KLK2: variants seen among roughly 807,000 people sequenced by gnomAD.
The protein encoded by KLK2 is kallikrein related peptidase 2, also known as kallikrein-2.
In KLK2, 17 loss-of-function variants were observed where a neutral mutation model predicts 23.0. The observed-to-expected ratio is 0.74, with a 90% CI of 0.51 to 1.11. The LOEUF is 1.11. Ranked by LOEUF, KLK2 falls within the 50% of genes least tolerant of loss-of-function variation. KLK2 has a pLI of 0.00. For missense variants in KLK2, 330 were observed against 325.9 expected (o/e 1.01, Z -0.10); for synonymous variants, 140 against 124.7 (o/e 1.12, Z -0.82).
chr19:50,876,531 G>C lies in KLK2; in HGVS notation c.266G>C (p.Arg89Thr). 1 of 1,614,152 alleles carries C rather than the reference G, an allele frequency of 6.2e-7. No individual in the cohort carries two copies. The highest frequency in any genetic ancestry group is 8.5e-7 in the Non-Finnish European group (1 of 1,180,026). The change falls in exon 3 of 5, where the codon AGG (arginine) becomes ACG (threonine). Residue 89 changes from arginine to threonine, a missense_variant. Physicochemically the swap from Arg to Thr is moderately conservative, Grantham distance 71. Coordinates refer to ENST00000325321, the MANE Select transcript of KLK2 (RefSeq NM_005551.5). ...TTTGAGCCTGAAGACACAGGCCAGAGGGTCCCTGTCAGCCACAGCTTCCCA... is the reference window on the plus strand; with the variant it reads ...TTTGAGCCTGAAGACACAGGCCAGACGGTCCCTGTCAGCCACAGCTTCCCA... ...NLFEPEDTGQ[R>T]VPVSHSFPHP...
At position 50,876,453 on chromosome 19, in the gene KLK2, C is replaced by G; in HGVS notation, c.207-19C>G. On this transcript the variant is annotated intron_variant, in intron 2 of 4. Transcript: ENST00000325321. ...CCCCATTTTCTCTCTCCTCATGCAT[C>G]CACCCCCTTCCTCCCCAGGAATAGC... The G allele has an allele frequency of 6.2e-7, 1 of 1,612,720 alleles. No individual in the cohort carries two copies. Among genetic ancestry groups the G allele is most frequent in the Middle Eastern group, 1.7e-4 (1 of 6,060 alleles).
chr19:50,873,608 CT>C, intron 1 of KLK2, 89 bp downstream of exon 1: 1 of 914,436 alleles, frequency 1.1e-6, no homozygotes, highest in Non-Finnish European at 1.7e-6. Context: ...AGCCTCGTCC[CT>C]TCAGCCCACA....
Position 50,878,429 on chromosome 19 carries a change from G to T in KLK2, c.656G>T (p.Cys219Phe). 6.2e-7 allele frequency: 1 copy of T among 1,613,886 alleles called. No individual in the cohort carries two copies. The highest frequency in any genetic ancestry group is 8.5e-7 in the Non-Finnish European group (1 of 1,179,834). The change falls in exon 5 of 5, where the codon TGT (cysteine) becomes TTT (phenylalanine). Residue 219 changes from cysteine (C) to phenylalanine (F), a missense_variant. Transcript: ENST00000325321. ...CGGDSGGPLV[C>F]NGVLQGITSW... The stretch of plus-strand genomic sequence containing the variant: ...GGTGATTCTGGGGGTCCACTTGTCT[G>T]TAATGGTGTGCTTCAAGGTATCACA...
chr19:50,875,400 C>A (rs993765454), intron 2 of KLK2, among the ~76,000 whole-genome samples: 5 of 152,188 alleles, frequency 3.3e-5, no homozygotes, highest in Non-Finnish European at 5.9e-5. Flanking sequence ...GCACAGCACT[C>A]TCTGCAGGAC....
chr19:50,874,323 C>T (rs1260894706), intron 1 of KLK2: 3 of 167,194 alleles, frequency 1.8e-5, no homozygotes, highest in African/African-American at 7.1e-5. Flanking sequence ...CTAAACCTCT[C>T]CACTGGGCAC....
chr19:50,876,136 CCCTT>C (rs755913463), intron 2 of KLK2: 120 of 323,626 alleles, frequency 3.7e-4, no homozygotes, highest in Admixed American at 9.8e-4. Flanking sequence ...TGTTCTTTCT[CCCTT>C]CCTCTTCCCC....
At chr19:50,877,527 G>A (rs767943527) in intron 4 of KLK2, 24 of 169,790 alleles carry the variant, frequency 1.4e-4, no homozygotes, top group Non-Finnish European at 2.4e-4. Context: ...AGCAGAGGGA[G>A]CAGCACCTGC....
chr19:50,879,315 CAG>C lies in KLK2; in HGVS notation c.*759_*760del, dbSNP rs1424639243. ...TGTATAGATTAGAGTGTGGAGAAAA[CAG>C]AGGAAAACTTGCAGTTACGAAGACT... is the stretch of plus-strand genomic sequence containing the variant. On this transcript the variant is annotated 3_prime_UTR_variant, in exon 5 of 5. Transcript: ENST00000325321. The C allele has an allele frequency of 1.7e-5, 4 of 232,418 alleles. No homozygotes were observed. Among genetic ancestry groups the C allele is most frequent in the Admixed American group, 5.6e-5 (1 of 17,774 alleles). 14.4% of individuals were successfully genotyped at this position (232,418 alleles called of 1,614,324 possible). A position where few individuals can be genotyped will look rare whatever the true frequency, so the allele number is the denominator to read the frequency against.
In KLK2 at chr19:50,878,583, C is replaced by T. The variant is rs2090313653; in HGVS notation, c.*24C>T. On this transcript the variant is annotated 3_prime_UTR_variant, in exon 5 of 5. Coordinates refer to ENST00000325321, the MANE Select transcript of KLK2 (RefSeq NM_005551.5). ...GAGTGCCCCTGTCCCACCCCTACCT[C>T]TAGTAAATTTAAGTCCACCTCACGT... is the stretch of plus-strand genomic sequence containing the variant. The T allele has an allele frequency of 1.3e-6, 2 of 1,597,466 alleles. No homozygotes were observed. Among genetic ancestry groups the T allele is most frequent in the Non-Finnish European group, 1.7e-6 (2 of 1,168,182 alleles).
At chr19:50,873,720 C>G in intron 1 of KLK2, 1 of 539,254 alleles carries the variant, frequency 1.9e-6, no homozygotes, top group South Asian at 2.6e-5. Flanking sequence ...ACCTTTCTCT[C>G]CATTGCCCAG....
Position 50,874,717 on chromosome 19 carries a change from G to T in KLK2, c.47-4G>T, listed in dbSNP as rs142228441. 5.0e-6 allele frequency: 8 copies of T among 1,607,016 alleles called. No homozygotes were observed. In the East Asian group the frequency reaches 1.6e-4, roughly 31 times the overall value. On this transcript the variant is annotated splice_region_variant and splice_polypyrimidine_tract_variant and intron_variant, in intron 1 of 4. Coordinates refer to ENST00000325321, the MANE Select transcript of KLK2 (RefSeq NM_005551.5). Reference sequence around the variant, plus strand: ...ATCCCCCTGACCCAGCACCCCCTCCGCAGGTGCCGTGCCCCTCATCCAGTC... The same window carrying T: ...ATCCCCCTGACCCAGCACCCCCTCCTCAGGTGCCGTGCCCCTCATCCAGTC...
chr19:50,876,345 C>A, intron 2 of KLK2, 127 bp from the exon 3 acceptor site: 1 of 783,792 alleles, frequency 1.3e-6, no homozygotes, highest in Non-Finnish European at 2.0e-6. Flanking sequence ...ACGACTATAT[C>A]TCCCCGACCC....
At position 50,879,658 on chromosome 19, in the gene KLK2, G is replaced by C. The variant is rs1364471857; in HGVS notation, c.*1099G>C. The C allele has an allele frequency of 4.3e-6, 1 of 230,414 alleles. No homozygotes were observed. Among genetic ancestry groups the C allele is most frequent in the Non-Finnish European group, 8.6e-6 (1 of 116,370 alleles). The allele number at this position is 230,414 out of a possible 1,614,324, so 14.3% of individuals were successfully genotyped here. On this transcript the variant is annotated 3_prime_UTR_variant, in exon 5 of 5. Coordinates refer to ENST00000325321, the MANE Select transcript of KLK2 (RefSeq NM_005551.5). ...GGAGTACTTGAATAATTGACCTGAA[G>C]TCCTCAGACCTGAGGTTCCCTAGAG...
In KLK2 at chr19:50,876,760, TA is replaced by T. The variant is rs771102021; in HGVS notation, c.493+3del. On this transcript the variant is annotated splice_donor_region_variant and intron_variant, in intron 3 of 4. Coordinates refer to ENST00000325321, the MANE Select transcript of KLK2 (RefSeq NM_005551.5). Reference sequence around the variant, plus strand: ...GGGGCAGCATCGAACCAGAGGAGTGTACGCCTGGGCCAGATGGTGTAGCTGG... The same window carrying T: ...GGGGCAGCATCGAACCAGAGGAGTGTCGCCTGGGCCAGATGGTGTAGCTGG... 32 of 1,613,694 alleles carry T rather than the reference TA, an allele frequency of 2.0e-5. No homozygotes were observed. Among genetic ancestry groups the T allele is most frequent in the Admixed American group, 5.0e-5 (3 of 60,000 alleles).
At chr19:50,877,072 G>A (rs1291516264) in intron 4 of KLK2, 64 bp downstream of exon 4, 1 of 1,608,278 alleles carries the variant, frequency 6.2e-7, no homozygotes, top group Non-Finnish European at 8.5e-7. Flanking sequence ...ATTCTGGGCT[G>A]CAATCTGAAA....
intron 2 of KLK2, among the ~76,000 whole-genome samples, chr19:50,875,267 G>A (rs2090271438): frequency 6.6e-6 from 1 of 152,042 alleles, no homozygotes; most frequent in African/African-American, 2.4e-5. Context: ...TTTCTCTCTG[G>A]GTCTCTGCCT....
chr19:50,873,711 C>A, intron 1 of KLK2, 192 bp downstream of exon 1: 1 of 550,174 alleles, frequency 1.8e-6, no homozygotes. Context: ...TTACCTCAGA[C>A]CTTTCTCTCC....
rs1371523840 is a variant in KLK2, at chr19:50,879,336, G to A, written c.*777G>A. ...AAAACAGAGGAAAACTTGCAGTTAC[G>A]AAGACTGGCAACTTGGCTTTACTAA... is the stretch of plus-strand genomic sequence containing the variant. On this transcript the variant is annotated 3_prime_UTR_variant, in exon 5 of 5. Transcript: ENST00000325321. 4 of 232,338 alleles carry A rather than the reference G, an allele frequency of 1.7e-5. No individual in the cohort carries two copies. Among genetic ancestry groups the A allele is most frequent in the Non-Finnish European group, 3.4e-5 (4 of 117,576 alleles). 14.4% of individuals were successfully genotyped at this position (232,338 alleles called of 1,614,324 possible).
At position 50,874,716 on chromosome 19, in the gene KLK2, C is replaced by T. The variant is rs372283954; in HGVS notation, c.47-5C>T. ...GATCCCCCTGACCCAGCACCCCCTC[C>T]GCAGGTGCCGTGCCCCTCATCCAGT... On this transcript the variant is annotated splice_region_variant and splice_polypyrimidine_tract_variant and intron_variant, in intron 1 of 4. Transcript: ENST00000325321. 1.4e-5 allele frequency: 23 copies of T among 1,606,790 alleles called. No individual in the cohort carries two copies. Among genetic ancestry groups the T allele is most frequent in the East Asian group, 1.3e-4 (6 of 44,814 alleles).
Sources: gnomAD v4.1 joint callset for allele counts (sites outside exome capture counted in the v4.1 genomes callset) on GRCh38, gnomAD v4.1.1 for gene constraint, MANE v1.5 for transcripts, NCBI Gene and HGNC (gene_info 2026-07-23, HGNC 2026-07-21) for gene names.